The following SPDYE10 variants were observed in gnomAD, a reference collection of about 807,000 sequenced individuals.
SPDYE10 encodes speedy protein E10.
the SPDYE10 span, among the ~76,000 whole-genome samples, chr7:73,134,559 A>G: frequency 6.6e-6 from 1 of 152,116 alleles, no homozygotes. Context: ...GAAAGAAAGA[A>G]AGAAAGAAAC....
At chr7:73,123,782 T>TCTCCCCCC in the SPDYE10 span, among the ~76,000 whole-genome samples, 1 of 144,090 alleles carries the variant, frequency 6.9e-6, no homozygotes, top group African/African-American at 2.7e-5. Flanking sequence ...TCTCTCTCTC[T>TCTCCCCCC]CTCTCCCTCT....
At chr7:73,143,445 G>GA in the SPDYE10 span, among the ~76,000 whole-genome samples, 1 of 150,422 alleles carries the variant, frequency 6.6e-6, no homozygotes, top group South Asian at 2.1e-4. Flanking sequence ...CCAGCTCTTT[G>GA]AAAGAATGAG....
At chr7:73,113,745 A>G in the SPDYE10 span, among the ~76,000 whole-genome samples, 1 of 151,968 alleles carries the variant, frequency 6.6e-6, no homozygotes, top group Admixed American at 6.5e-5. Flanking sequence ...AATACAAAAA[A>G]TTAGACGGGG....
the SPDYE10 span, among the ~76,000 whole-genome samples, chr7:73,149,712 A>T: frequency 2.8e-5 from 4 of 143,496 alleles, no homozygotes; most frequent in Non-Finnish European, 4.6e-5. Flanking sequence ...GGTCTCGTTC[A>T]CATCTTAGCA....
At chr7:73,145,105 C>T in the SPDYE10 span, among the ~76,000 whole-genome samples, 2 of 137,330 alleles carry the variant, frequency 1.5e-5, no homozygotes, top group East Asian at 2.1e-4. Flanking sequence ...TCTTTCTTTC[C>T]TCTTTCTTTC....
the SPDYE10 span, among the ~76,000 whole-genome samples, chr7:73,113,358 TAAAACAAAAC>T: frequency 6.8e-5 from 2 of 29,624 alleles, no homozygotes; most frequent in East Asian, 5.5e-4. Flanking sequence ...AGCCCATCTC[TAAAACAAAAC>T]AAAACAAAAC....
the SPDYE10 span, among the ~76,000 whole-genome samples, chr7:73,113,758 A>C: frequency 3.3e-5 from 5 of 152,026 alleles, no homozygotes; most frequent in East Asian, 9.6e-4. Context: ...AGACGGGGCC[A>C]GGTGCCATGG....
chr7:73,113,759 G>T, the SPDYE10 span, among the ~76,000 whole-genome samples: 8 of 152,042 alleles, frequency 5.3e-5, no homozygotes, highest in Non-Finnish European at 8.8e-5. Flanking sequence ...GACGGGGCCA[G>T]GTGCCATGGC....
chr7:73,114,397 T>C, the SPDYE10 span, among the ~76,000 whole-genome samples: 1 of 146,846 alleles, frequency 6.8e-6, no homozygotes, highest in African/African-American at 2.5e-5. Context: ...GTTTCCTTGG[T>C]GTTTGTACAC....
the SPDYE10 span, among the ~76,000 whole-genome samples, chr7:73,124,784 T>C: frequency 1.4e-5 from 2 of 139,828 alleles, no homozygotes; most frequent in African/African-American, 5.6e-5. Context: ...ATTAACCAGA[T>C]GTGGTGGCGC....
chr7:73,126,506 CAAAAAAA>C, the SPDYE10 span, among the ~76,000 whole-genome samples: 43 of 47,906 alleles, frequency 9.0e-4, no homozygotes, highest in Non-Finnish European at 1.1e-3. Flanking sequence ...GACTCCATCT[CAAAAAAA>C]AAAAAAAAAA....
chr7:73,117,905 TTTGG>T, the SPDYE10 span, among the ~76,000 whole-genome samples: 3 of 134,156 alleles, frequency 2.2e-5, no homozygotes, highest in Non-Finnish European at 4.8e-5. Context: ...ATACCAGCAC[TTTGG>T]GAGGCCAAGA....
the SPDYE10 span, among the ~76,000 whole-genome samples, chr7:73,114,363 G>T: frequency 7.1e-6 from 1 of 140,712 alleles, no homozygotes; most frequent in African/African-American, 2.5e-5. Context: ...ATGGGGTGTG[G>T]CTGAGTCCAT....
chr7:73,154,960 C>T, the SPDYE10 span: 3 of 149,364 alleles, frequency 2.0e-5, no homozygotes, highest in Admixed American at 6.6e-5. Context: ...CTGCTCCCCC[C>T]GCGCCGGGCG....
At chr7:73,141,154 A>G in the SPDYE10 span, among the ~76,000 whole-genome samples, 1 of 151,994 alleles carries the variant, frequency 6.6e-6, no homozygotes, top group African/African-American at 2.4e-5. Flanking sequence ...CAACTGCATC[A>G]GTTATGGGTC....
chr7:73,150,906 AAAT>A, the SPDYE10 span, among the ~76,000 whole-genome samples: 2 of 10,762 alleles, frequency 1.9e-4, no homozygotes, highest in East Asian at 5.0e-3. Flanking sequence ...AAAAAAAAAA[AAAT>A]ATATATATAT....
chr7:73,127,082 CTTTTTTT>C, the SPDYE10 span, among the ~76,000 whole-genome samples: 38 of 13,350 alleles, frequency 2.8e-3, no homozygotes, highest in African/African-American at 0.014. Flanking sequence ...CCACGCCTGG[CTTTTTTT>C]TTTTTTTTTT....
chr7:73,135,380 G>C, the SPDYE10 span, among the ~76,000 whole-genome samples: 1 of 151,388 alleles, frequency 6.6e-6, no homozygotes, highest in Non-Finnish European at 1.5e-5. Context: ...CCTTAAGCAA[G>C]ACTGCCAAAG....
the SPDYE10 span, among the ~76,000 whole-genome samples, chr7:73,134,367 G>C: frequency 6.8e-5 from 10 of 147,492 alleles, no homozygotes; most frequent in Non-Finnish European, 8.9e-5. Context: ...ACCAGGGCCT[G>C]TTGTGCGGTG....
Sources: allele counts gnomAD v4.1 joint callset (sites outside exome capture counted in the v4.1 genomes callset), GRCh38; gene constraint gnomAD v4.1.1; transcripts MANE v1.5; gene names NCBI Gene and HGNC (gene_info 2026-07-23, HGNC 2026-07-21).